The following VSTM2B variants were observed in gnomAD, a reference collection of about 807,000 sequenced individuals.
The protein encoded by VSTM2B is V-set and transmembrane domain-containing protein 2B.
A neutral mutation model predicts 24.0 loss-of-function variants in VSTM2B; 24 were observed. The ratio of observed to expected loss-of-function variants is 1.00; its 90% CI spans 0.72 to 1.40. The LOEUF (loss-of-function observed/expected upper bound fraction) is 1.40, where lower values mean the gene tolerates loss of function less well. Ranked by LOEUF, VSTM2B falls within the 40% of genes most tolerant of loss-of-function variation. The probability of loss-of-function intolerance (pLI) is 0.00; values close to 1 mark genes in which losing one functional copy is unlikely to be tolerated. For synonymous variants in VSTM2B, 226 were observed against 194.4 expected, an observed-to-expected ratio of 1.16 and a Z score of -1.35; for missense variants, 399 against 416.4, an observed-to-expected ratio of 0.96 and a Z score of 0.36.
chr19:29,541,512 G>A (rs1242270144), intron 4 of VSTM2B, among the ~76,000 whole-genome samples: 1 of 152,130 alleles, frequency 6.6e-6, no homozygotes, highest in Non-Finnish European at 1.5e-5. Flanking sequence ...GGAAGAATGA[G>A]TGGATGAGTG....
rs1969640618 is a variant in VSTM2B, at chr19:29,528,436, A to G, written c.271A>G (p.Thr91Ala). Reference protein sequence around the residue: ...LSVPGARSKVTNKDATKISTV... With the variant: ...LSVPGARSKVANKDATKISTV... Reference sequence around the variant, plus strand: ...TCTCTCCCTCTTTGCATTTTAGGTAACAAATAAGGATGCAACTAAAATCAG... The same window carrying G: ...TCTCTCCCTCTTTGCATTTTAGGTAGCAAATAAGGATGCAACTAAAATCAG... Residue 91 changes from threonine (T) to alanine (A), a missense_variant, in exon 3 of 5, where the codon ACA (threonine) becomes GCA (alanine). Physicochemically the swap from Thr to Ala is moderately conservative, Grantham distance 58. Transcript: ENST00000335523. The G allele has an allele frequency of 2.6e-6, 4 of 1,551,198 alleles. No homozygotes were observed. Among genetic ancestry groups the G allele is most frequent in the Non-Finnish European group, 3.5e-6 (4 of 1,146,980 alleles).
intron 4 of VSTM2B, among the ~76,000 whole-genome samples, chr19:29,555,096 A>G (rs1970376642): frequency 6.6e-6 from 1 of 152,190 alleles, no homozygotes. Flanking sequence ...ACCCTAAAAC[A>G]ACGGAATATG....
At chr19:29,534,228 G>A (rs1033347104) in intron 4 of VSTM2B, among the ~76,000 whole-genome samples, 5 of 152,142 alleles carry the variant, frequency 3.3e-5, no homozygotes, top group Non-Finnish European at 7.4e-5. Context: ...AGGAGGGGAG[G>A]CACACAGCCA....
At chr19:29,528,636 G>A (rs1969646265) in intron 3 of VSTM2B, among the ~76,000 whole-genome samples, 174 bp downstream of exon 3, 2 of 152,240 alleles carry the variant, frequency 1.3e-5, no homozygotes, top group African/African-American at 4.8e-5. Flanking sequence ...ATCTGTCGCC[G>A]GTTGCAGGGT....
intron 3 of VSTM2B, 94 bp downstream of exon 3, chr19:29,528,556 A>T (rs1041287380): frequency 1.4e-6 from 2 of 1,463,986 alleles, no homozygotes; most frequent in Non-Finnish European, 1.9e-6. Flanking sequence ...GCGGCCGCGC[A>T]TGTGGGGCCG....
Position 29,535,984 on chromosome 19 carries a change from G to A in VSTM2B, c.769+5694G>A, listed in dbSNP as rs375525659. On this transcript the variant is annotated intron_variant, in intron 4 of 4. Coordinates refer to ENST00000335523, the MANE Select transcript of VSTM2B (RefSeq NM_001146339.2). ...CAAGGGATGTCCCAGAGAAGAGAGG[G>A]CGAGGCTCTCTGAGCATCCTGAAAA... 2.7e-4 allele frequency among the ~76,000 whole-genome samples: 41 copies of A among 152,316 alleles called. 1 individual carries two copies. In the East Asian group the frequency reaches 3.9e-3, roughly 14 times the overall value.
intron 4 of VSTM2B, among the ~76,000 whole-genome samples, chr19:29,558,405 GCA>G (rs1280545691): frequency 6.6e-6 from 1 of 152,098 alleles, no homozygotes. Flanking sequence ...AAAGATACAT[GCA>G]CACACGTGTT....
chr19:29,549,091 A>G (rs1970214332), intron 4 of VSTM2B, among the ~76,000 whole-genome samples: 1 of 152,210 alleles, frequency 6.6e-6, no homozygotes, highest in Non-Finnish European at 1.5e-5. Flanking sequence ...TTTCTAGGAA[A>G]TACCTGAATC....
chr19:29,526,622 G>T lies in VSTM2B; in HGVS notation c.39G>T (p.Leu13=). ...ACCGGCTCGGTGCCCTCGGATACCT[G>T]CCGCCTCTGCTGCTGCATGCCCTGC... is the stretch of plus-strand genomic sequence containing the variant. ...QRNRLGALGY[L]PPLLLHALLL... is the part of the protein sequence containing the mutation. The change falls in exon 1 of 5, where the codon CTG becomes CTT. Residue 13 remains leucine (L), a synonymous_variant. Transcript: ENST00000335523. The surrounding 1 kb of genome is among the most constrained non-coding windows in gnomAD (Gnocchi z 4.1). The T allele has an allele frequency of 6.5e-7, 1 of 1,530,502 alleles. No individual in the cohort carries two copies. Among genetic ancestry groups the T allele is most frequent in the East Asian group, 2.5e-5 (1 of 40,292 alleles). The allele number at this position is 1,530,502 out of a possible 1,614,324, so 94.8% of individuals were successfully genotyped here. A position where few individuals can be genotyped will look rare whatever the true frequency, so the allele number is the denominator to read the frequency against.
chr19:29,527,828 G>GCAGGACCTCCAGCCCT (rs1345825749), intron 2 of VSTM2B, among the ~76,000 whole-genome samples: 2 of 152,182 alleles, frequency 1.3e-5, no homozygotes, highest in East Asian at 3.9e-4. Context: ...CGGAAAGCCG[G>GCAGGACCTCCAGCCCT]CAGGACCTCC....
At chr19:29,540,990 G>A in intron 4 of VSTM2B, among the ~76,000 whole-genome samples, 1 of 152,148 alleles carries the variant, frequency 6.6e-6, no homozygotes, top group East Asian at 1.9e-4. Context: ...CCAGGAAGAG[G>A]GACTCACATG....
intron 4 of VSTM2B, among the ~76,000 whole-genome samples, chr19:29,537,757 G>A (rs770578046): frequency 5.7e-5 from 6 of 106,004 alleles, no homozygotes; most frequent in East Asian, 2.8e-4. Context: ...CTACTCTCCC[G>A]CACCCATGGG....
chr19:29,530,146 G>A lies in VSTM2B; in HGVS notation c.625G>A (p.Ala209Thr). ...GAGCCCGCCGCCCGGGAGCCCTCCCGCCGCCATCGATCCCGCAGTCCCCGA... is the reference window on the plus strand; with the variant it reads ...GAGCCCGCCGCCCGGGAGCCCTCCCACCGCCATCGATCCCGCAGTCCCCGA... ...DKSPPPGSPP[A>T]AIDPAVPEAA... Residue 209 changes from alanine (A) to threonine (T), a missense_variant, in exon 4 of 5, where the codon GCC (alanine) becomes ACC (threonine). Transcript: ENST00000335523. 3 of 1,468,870 alleles carry A rather than the reference G, an allele frequency of 2.0e-6. No individual in the cohort carries two copies. Among genetic ancestry groups the A allele is most frequent in the Admixed American group, 2.5e-5 (1 of 40,480 alleles). 91.0% of individuals were successfully genotyped at this position (1,468,870 alleles called of 1,614,324 possible).
At chr19:29,563,794 T>TA in intron 4 of VSTM2B, 52 bp from the exon 5 acceptor site, 2 of 1,501,616 alleles carry the variant, frequency 1.3e-6, no homozygotes, top group Non-Finnish European at 1.8e-6. Context: ...TGTGAGCTCC[T>TA]AGGTTCTTGA....
At chr19:29,552,732 C>G (rs1970314542) in intron 4 of VSTM2B, among the ~76,000 whole-genome samples, 1 of 152,196 alleles carries the variant, frequency 6.6e-6, no homozygotes, top group Non-Finnish European at 1.5e-5. Flanking sequence ...GGGGGAAGGG[C>G]AGCAGCCATC....
chr19:29,538,087 C>A (rs944104286), intron 4 of VSTM2B, among the ~76,000 whole-genome samples: 5 of 152,228 alleles, frequency 3.3e-5, no homozygotes, highest in Non-Finnish European at 7.3e-5. Flanking sequence ...TCAATGCCAA[C>A]AAATTTGCCC....
intron 4 of VSTM2B, among the ~76,000 whole-genome samples, chr19:29,554,523 ATAAC>A (rs1460462673): frequency 6.6e-6 from 1 of 152,202 alleles, no homozygotes; most frequent in African/African-American, 2.4e-5. Flanking sequence ...AGTCTGCAAA[ATAAC>A]CAACCAGCAT....
At chr19:29,546,496 A>G (rs35426491) in intron 4 of VSTM2B, among the ~76,000 whole-genome samples, 10,766 of 152,290 alleles carry the variant, frequency 0.071, 473 homozygotes, top group African/African-American at 0.11. Flanking sequence ...CTGCTGAGAG[A>G]GATAAAGGGG....
intron 4 of VSTM2B, among the ~76,000 whole-genome samples, chr19:29,550,717 A>G (rs531667046): frequency 6.6e-6 from 1 of 152,268 alleles, no homozygotes; most frequent in Admixed American, 6.5e-5. Flanking sequence ...TCAGCCTATG[A>G]AATGAGCCTC....
Sources: gnomAD v4.1 joint callset for allele counts (sites outside exome capture counted in the v4.1 genomes callset) on GRCh38, gnomAD v4.1.1 for gene constraint, Gnocchi (gnomAD v3.1) non-coding constraint, MANE v1.5 for transcripts, NCBI Gene and HGNC (gene_info 2026-07-23, HGNC 2026-07-21) for gene names.